CELSR1: variants seen among roughly 807,000 people sequenced by gnomAD.
CELSR1 encodes adhesion G protein-coupled receptor C1.
In CELSR1, 110 loss-of-function variants were observed where a neutral mutation model predicts 249.1. The ratio of observed to expected loss-of-function variants is 0.44; its 90% CI spans 0.38 to 0.52. CELSR1 has a LOEUF of 0.52. Ranked by LOEUF, CELSR1 falls within the 20% of genes least tolerant of loss-of-function variation. CELSR1 has a pLI of 0.00. For missense variants in CELSR1, 4,109 were observed against 4,296.4 expected (o/e 0.96, Z 1.22); for synonymous variants, 2,113 against 1,900.0 (o/e 1.11, Z -2.92).
At chr22:46,421,068 C>T (rs1279425917) in intron 5 of CELSR1, among the ~76,000 whole-genome samples, 1 of 152,190 alleles carries the variant, frequency 6.6e-6, no homozygotes, top group Non-Finnish European at 1.5e-5. Flanking sequence ...CTTCAGTTTC[C>T]TCATCTGTGA....
chr22:46,363,331 G>A lies in CELSR1; in HGVS notation c.9036-84C>T, dbSNP rs552543670. On this transcript the variant is annotated intron_variant, in intron 34 of 34. Transcript: ENST00000674500. This position sits in a 1 kb window ranked among gnomAD's most constrained non-coding sequence, Gnocchi z 4.3. ...GGGGCCCAAGGTTGTCACACGGGGG[G>A]GCAGGATCACCCCATCAGGGTAGAG... 2.5e-6 allele frequency: 3 copies of A among 1,203,036 alleles called. No individual in the cohort carries two copies. In the South Asian group the frequency reaches 3.9e-5, roughly 16 times the overall value. The allele number at this position is 1,203,036 out of a possible 1,614,324, so 74.5% of individuals were successfully genotyped here.
intron 1 of CELSR1, among the ~76,000 whole-genome samples, chr22:46,519,659 C>T (rs1229923167): frequency 6.6e-6 from 1 of 152,198 alleles, no homozygotes; most frequent in Non-Finnish European, 1.5e-5. Flanking sequence ...CCTCCCATGC[C>T]CCTGAGATGC....
intron 2 of CELSR1, among the ~76,000 whole-genome samples, chr22:46,459,168 G>A (rs1569178998): frequency 6.6e-6 from 1 of 152,166 alleles, no homozygotes; most frequent in South Asian, 2.1e-4. Flanking sequence ...GATTACAGAT[G>A]TGAGCCACCG....
intron 1 of CELSR1, among the ~76,000 whole-genome samples, chr22:46,503,354 C>G: frequency 6.6e-6 from 1 of 152,238 alleles, no homozygotes; most frequent in East Asian, 1.9e-4. Flanking sequence ...GCACGCAGGA[C>G]GGGAGCCACA....
chr22:46,535,547 G>A lies in CELSR1; in HGVS notation c.1624C>T (p.Pro542Ser). The change falls in exon 1 of 35, where the codon CCC (proline) becomes TCC (serine). Residue 542 changes from proline (P) to serine (S), a missense_variant. By Grantham distance (74) the Pro-to-Ser change is moderately conservative (BLOSUM62 -1). This residue lies in a region of CELSR1 where 135 missense variants were observed against 190.0 expected (regional missense o/e 0.71). Coordinates refer to ENST00000674500, the MANE Select transcript of CELSR1 (RefSeq NM_001378328.1). ...LSIKAQDGGR[P>S]PLINSSGVVS... ...ACCCCTGAAGAATTGATGAGCGGGG[G>A]CCGGCCCCCATCCTGGGCCTTAATG... 6.2e-7 allele frequency: 1 copy of A among 1,613,314 alleles called. No homozygotes were observed. The highest frequency in any genetic ancestry group is 8.5e-7 in the Non-Finnish European group (1 of 1,180,028).
chr22:46,447,037 T>C lies in CELSR1; in HGVS notation c.4184-7626A>G, dbSNP rs1347431847. Among the ~76,000 whole-genome samples the C allele has an allele frequency of 6.6e-6, 1 of 152,034 alleles. No individual in the cohort carries two copies. The highest frequency in any genetic ancestry group is 6.6e-5 in the Admixed American group (1 of 15,264). ...CGGGAGTGGATTACAGTACTGTTTA[T>C]AGGGAGCTGGAGGGGCTGCTAGCAT... On this transcript the variant is annotated intron_variant, in intron 2 of 34. Coordinates refer to ENST00000674500, the MANE Select transcript of CELSR1 (RefSeq NM_001378328.1). The surrounding 1 kb of genome is among the most constrained non-coding windows in gnomAD (Gnocchi z 4.7).
rs1041689063 is a variant in CELSR1, at chr22:46,508,297, G to A, written c.3544+25330C>T. Among the ~76,000 whole-genome samples, 6 of 140,366 alleles carry A rather than the reference G, an allele frequency of 4.3e-5. No individual in the cohort carries two copies. In the East Asian group the frequency reaches 1.0e-3, roughly 23 times the overall value. The allele number at this position is 140,366 out of a possible 152,430, so 92.1% of individuals were successfully genotyped here. On this transcript the variant is annotated intron_variant, in intron 1 of 34. Transcript: ENST00000674500. Reference sequence around the variant, plus strand: ...CTGCTCGTCCACACACCCAGCAGGTGTGCGGGAGGATTTGCCCCGGGAGGA... The same window carrying A: ...CTGCTCGTCCACACACCCAGCAGGTATGCGGGAGGATTTGCCCCGGGAGGA...
chr22:46,466,600 G>C (rs1440475057), intron 1 of CELSR1, among the ~76,000 whole-genome samples: 6 of 152,230 alleles, frequency 3.9e-5, no homozygotes, highest in Non-Finnish European at 8.8e-5. Context: ...TGGCCACACT[G>C]TGAGTAGATA....
chr22:46,503,524 C>G (rs1257180962), intron 1 of CELSR1, among the ~76,000 whole-genome samples: 2 of 152,228 alleles, frequency 1.3e-5, no homozygotes, highest in African/African-American at 4.8e-5. Flanking sequence ...TGAACTCAAC[C>G]AACTGCATCC....
chr22:46,406,572 G>A lies in CELSR1; in HGVS notation c.5226+2424C>T, dbSNP rs1008646198. Among the ~76,000 whole-genome samples, 16 of 152,234 alleles carry A rather than the reference G, an allele frequency of 1.1e-4. No individual in the cohort carries two copies. The highest frequency in any genetic ancestry group is 3.6e-4 in the African/African-American group (15 of 41,454). Reference sequence around the variant, plus strand: ...CGCCACACTCCAACCAGGCACTCATGATGGGGAGGGCATGTGCTGGGCAGT... The same window carrying A: ...CGCCACACTCCAACCAGGCACTCATAATGGGGAGGGCATGTGCTGGGCAGT... On this transcript the variant is annotated intron_variant, in intron 9 of 34. Coordinates refer to ENST00000674500, the MANE Select transcript of CELSR1 (RefSeq NM_001378328.1). The surrounding 1 kb of genome is among the most constrained non-coding windows in gnomAD (Gnocchi z 5.4).
In CELSR1 at chr22:46,362,061, TC is replaced by T. The variant is rs1322044133; in HGVS notation, c.*1161del. On this transcript the variant is annotated 3_prime_UTR_variant, in exon 35 of 35. Coordinates refer to ENST00000674500, the MANE Select transcript of CELSR1 (RefSeq NM_001378328.1). ...CAGAGGGGAGAACCCTGCCTGGAGA[TC>T]CTCGCAGTCTCAGAGAGTTAGAGAA... The T allele has an allele frequency of 6.6e-6, 1 of 152,260 alleles. No homozygotes were observed. Among genetic ancestry groups the T allele is most frequent in the African/African-American group, 2.4e-5 (1 of 41,472 alleles). 9.4% of individuals were successfully genotyped at this position (152,260 alleles called of 1,614,324 possible).
chr22:46,486,500 A>G (rs2080314278), intron 1 of CELSR1, among the ~76,000 whole-genome samples: 1 of 151,632 alleles, frequency 6.6e-6, no homozygotes, highest in Non-Finnish European at 1.5e-5. Context: ...GTGAGCCAAG[A>G]TCATGCCCCT....
chr22:46,466,055 A>T (rs1017753654), intron 1 of CELSR1, among the ~76,000 whole-genome samples: 2 of 152,102 alleles, frequency 1.3e-5, no homozygotes, highest in African/African-American at 4.8e-5. Context: ...CTTCGAGGCT[A>T]CTCAGTTCTG....
intron 1 of CELSR1, among the ~76,000 whole-genome samples, chr22:46,477,817 A>T (rs2080225100): frequency 6.6e-6 from 1 of 151,964 alleles, no homozygotes; most frequent in East Asian, 1.9e-4. Context: ...ATGCTGTTTT[A>T]AGATAAGAAG....
intron 33 of CELSR1, 111 bp from the exon 34 acceptor site, chr22:46,364,362 C>A: frequency 6.6e-7 from 1 of 1,523,156 alleles, no homozygotes; most frequent in Non-Finnish European, 8.8e-7. Context: ...CCTGGTTCCC[C>A]GGGTCCCAGG....
At position 46,438,299 on chromosome 22, in the gene CELSR1, A is replaced by G. The variant is rs377230280; in HGVS notation, c.4406+890T>C. Among the ~76,000 whole-genome samples, 30 of 152,230 alleles carry G rather than the reference A, an allele frequency of 2.0e-4. No homozygotes were observed. In the South Asian group the frequency reaches 6.2e-3, roughly 32 times the overall value. On this transcript the variant is annotated intron_variant, in intron 3 of 34. Transcript: ENST00000674500. ...GGAGCCTGGACACTTGGCAAAGAGA[A>G]ACTAGAAAGAGGAGAAGGGGCTATG...
Position 46,533,938 on chromosome 22 carries a change from G to A in CELSR1, c.3233C>T (p.Ser1078Leu). Residue 1078 changes from serine to leucine, a missense_variant, in exon 1 of 35, where the codon TCG becomes TTG. Around this residue, in one of 7 missense-constraint regions of CELSR1, gnomAD observed 886 missense variants for 896.5 expected, o/e 0.99. Transcript: ENST00000674500. The stretch of plus-strand genomic sequence containing the variant: ...CGTGGCTCGGCTCACCAGCGGAGCC[G>A]ACGTGGCCTGCACCACCAGCACATA... ...REYVLVVQAT[S>L]APLVSRATVH... 1.2e-6 allele frequency: 2 copies of A among 1,613,120 alleles called. No homozygotes were observed. Among genetic ancestry groups the A allele is most frequent in the Non-Finnish European group, 1.7e-6 (2 of 1,180,014 alleles).
chr22:46,502,868 G>A (rs1229283261), intron 1 of CELSR1, among the ~76,000 whole-genome samples: 7 of 152,172 alleles, frequency 4.6e-5, no homozygotes, highest in African/African-American at 1.2e-4. Flanking sequence ...AGCATGCTCC[G>A]TAAGAGGTGG....
chr22:46,520,261 C>T (rs183581624), intron 1 of CELSR1, among the ~76,000 whole-genome samples: 65 of 152,220 alleles, frequency 4.3e-4, no homozygotes, highest in African/African-American at 1.5e-3. Context: ...CAGAAGGAGG[C>T]CCTGGATGGC....
Sources: allele counts gnomAD v4.1 joint callset (sites outside exome capture counted in the v4.1 genomes callset), GRCh38; gene constraint gnomAD v4.1.1; regional missense constraint gnomAD v4.1.1; non-coding constraint Gnocchi (gnomAD v3.1); transcripts MANE v1.5; gene names NCBI Gene and HGNC (gene_info 2026-07-23, HGNC 2026-07-21).